Variants in PUF60 observed in about 807,000 individuals in gnomAD.
PUF60 encodes poly(U) binding splicing factor 60.
Under a neutral mutation model 61.8 loss-of-function variants are expected in PUF60, and 10 were observed. That is an observed-to-expected ratio of 0.16 (90% CI 0.10 to 0.27). The LOEUF is 0.27. PUF60 is among the 10% of genes least tolerant of loss of function. PUF60 has a pLI of 1.00. For synonymous variants in PUF60, 353 were observed against 300.9 expected (o/e 1.17, Z -1.79); for missense variants, 371 against 754.0 (o/e 0.49, Z 5.95).
chr8:143,823,096 A>G (rs1817210373), intron 2 of PUF60: 1 of 166,396 alleles, frequency 6.0e-6, no homozygotes, highest in African/African-American at 2.4e-5. Flanking sequence ...AGCCCCAACC[A>G]GTCCCTGAAG....
Position 143,817,670 on chromosome 8 carries a change from G to C in PUF60, c.930C>G (p.Leu310=). 6.2e-7 allele frequency: 1 copy of C among 1,612,688 alleles called. No homozygotes were observed. Residue 310 remains leucine, a synonymous_variant, in exon 9 of 12, where the codon CTC becomes CTG. Transcript: ENST00000526683. This position sits in a 1 kb window ranked among gnomAD's most constrained non-coding sequence, Gnocchi z 7.4. ...GGAGGCCTCCAGGCGTGGCTGGTGT[G>C]AGTAGGGGCATGGGCGGTGTGACAG... ...GKAVTPPMPL[L]TPATPGGLPP...
In PUF60 at chr8:143,817,847, G is replaced by C. The variant is rs776226845; in HGVS notation, c.817+15C>G. ...CTCAGGTGGCCCCCATCCCGCCTCA[G>C]CCACCCCAGCTCACCAATGAAGCCG... On this transcript the variant is annotated intron_variant, in intron 8 of 11. Coordinates refer to ENST00000526683, the MANE Select transcript of PUF60 (RefSeq NM_078480.3). The surrounding 1 kb of genome is among the most constrained non-coding windows in gnomAD (Gnocchi z 7.4). 4 of 1,610,212 alleles carry C rather than the reference G, an allele frequency of 2.5e-6. No individual in the cohort carries two copies. The highest frequency in any genetic ancestry group is 3.4e-6 in the Non-Finnish European group (4 of 1,178,210).
At chr8:143,823,675 C>T (rs1817280701) in intron 2 of PUF60, among the ~76,000 whole-genome samples, 1 of 152,210 alleles carries the variant, frequency 6.6e-6, no homozygotes, top group Admixed American at 6.5e-5. Flanking sequence ...CACTGGAATG[C>T]TCTGGAGGCG....
intron 1 of PUF60, among the ~76,000 whole-genome samples, chr8:143,824,631 G>A (rs377641554): frequency 2.0e-4 from 31 of 152,354 alleles, no homozygotes; most frequent in African/African-American, 7.5e-4. Context: ...GGCTGCCAGC[G>A]AGTCCCAGCG....
chr8:143,821,131 C>T (rs1816967312), intron 4 of PUF60, among the ~76,000 whole-genome samples: 1 of 152,244 alleles, frequency 6.6e-6, no homozygotes, highest in African/African-American at 2.4e-5. Context: ...GAGCAGGGCC[C>T]CAAGGGAGGT....
Position 143,817,563 on chromosome 8 carries a change from C to A in PUF60, c.1008+29G>T. The stretch of plus-strand genomic sequence containing the variant: ...GGAATCAGGGGCCAGCCCGCCCACC[C>A]TCAAGCCGACAGCTGTGTGGGCCCT... On this transcript the variant is annotated intron_variant, in intron 9 of 11. Transcript: ENST00000526683. The surrounding 1 kb of genome is among the most constrained non-coding windows in gnomAD (Gnocchi z 7.4). 6.2e-7 allele frequency: 1 copy of A among 1,609,548 alleles called. No individual in the cohort carries two copies. Among genetic ancestry groups the A allele is most frequent in the East Asian group, 2.2e-5 (1 of 44,868 alleles).
At position 143,821,624 on chromosome 8, in the gene PUF60, G is replaced by A; in HGVS notation, c.270C>T (p.His90=). 1.9e-6 allele frequency: 3 copies of A among 1,545,350 alleles called. No individual in the cohort carries two copies. The highest frequency in any genetic ancestry group is 2.6e-6 in the Non-Finnish European group (3 of 1,147,016). Reference sequence around the variant, plus strand: ...GCAGGTTGGTGAGCTGCTGCTGCTGGTGCGCGATGGTCTGCTTCACCAGCA... The same window carrying A: ...GCAGGTTGGTGAGCTGCTGCTGCTGATGCGCGATGGTCTGCTTCACCAGCA... ...KSVLVKQTIA[H]QQQQLTNLQM... Residue 90 remains histidine (H), a synonymous_variant, in exon 4 of 12, where the codon CAC becomes CAT. Coordinates refer to ENST00000526683, the MANE Select transcript of PUF60 (RefSeq NM_078480.3).
intron 4 of PUF60, 161 bp downstream of exon 4, chr8:143,821,436 C>A: frequency 1.5e-6 from 1 of 683,832 alleles, no homozygotes; most frequent in East Asian, 2.7e-5. Context: ...GCCACTCGTG[C>A]CTCAGAGAGG....
Position 143,824,342 on chromosome 8 carries a change from C to T in PUF60, c.82G>A (p.Ala28Thr). The T allele has an allele frequency of 6.2e-7, 1 of 1,612,510 alleles. No individual in the cohort carries two copies. The highest frequency in any genetic ancestry group is 8.5e-7 in the Non-Finnish European group (1 of 1,179,690). Residue 28 changes from alanine (A) to threonine (T), a missense_variant, in exon 2 of 12, where the codon GCA (alanine) becomes ACA (threonine). By Grantham distance (58) the Ala-to-Thr change is moderately conservative. Around this residue, in one of 13 missense-constraint regions of PUF60, gnomAD observed 69 missense variants for 64.7 expected, o/e 1.07. Coordinates refer to ENST00000526683, the MANE Select transcript of PUF60 (RefSeq NM_078480.3). ...SEPAAAAAVV[A>T]AGDKWKPPQG... is the part of the protein sequence containing the mutation. The stretch of plus-strand genomic sequence containing the variant: ...GGAGGTTTCCATTTGTCTCCCGCTG[C>T]CACCACTGCCGCCGCCGCCGCCGGC...
In PUF60 at chr8:143,818,342, G is replaced by C. The variant is rs369947844; in HGVS notation, c.510+31C>G. 1.9e-5 allele frequency: 30 copies of C among 1,609,640 alleles called. No homozygotes were observed. Among genetic ancestry groups the C allele is most frequent in the Admixed American group, 3.3e-5 (2 of 59,864 alleles). ...CGAGCCCAGGGGTGGGGGCGAGCCC[G>C]AAGTGGCCGGGGCGGACCAAGCCTG... On this transcript the variant is annotated intron_variant, in intron 6 of 11. Coordinates refer to ENST00000526683, the MANE Select transcript of PUF60 (RefSeq NM_078480.3). This position sits in a 1 kb window ranked among gnomAD's most constrained non-coding sequence, Gnocchi z 7.9.
rs75920242 is a variant in PUF60, at chr8:143,827,351, C to T, written c.24+1929G>A. ...TGTCAGTGAAGAGAACGGAGCCATG[C>T]GTCAAAGTGAAAAGATGCATCCAGA... On this transcript the variant is annotated intron_variant, in intron 1 of 11. Coordinates refer to ENST00000526683, the MANE Select transcript of PUF60 (RefSeq NM_078480.3). 8.0e-4 allele frequency: 367 copies of T among 456,098 alleles called. 1 individual carries two copies. The Middle Eastern group carries it at 0.013, about 16-fold the overall frequency. 28.3% of individuals were successfully genotyped at this position (456,098 alleles called of 1,614,324 possible).
intron 5 of PUF60, chr8:143,820,223 A>G (rs1416724316): frequency 1.4e-5 from 1 of 71,558 alleles, no homozygotes; most frequent in African/African-American, 5.3e-5. Flanking sequence ...CCCCCACCCC[A>G]TCCAACCATC....
At chr8:143,824,223 G>A (rs1190726404) in intron 2 of PUF60, 90 bp downstream of exon 2, 13 of 1,355,980 alleles carry the variant, frequency 9.6e-6, no homozygotes, top group Non-Finnish European at 1.3e-5. Flanking sequence ...CCCCCAGCCA[G>A]CCCTCTCTGG....
intron 5 of PUF60, chr8:143,819,050 G>C (rs1816713049): frequency 6.4e-6 from 1 of 155,262 alleles, no homozygotes; most frequent in African/African-American, 2.4e-5. Flanking sequence ...CCAGATGGGG[G>C]CTCCCTGAAG....
At position 143,818,064 on chromosome 8, in the gene PUF60, G is replaced by A; in HGVS notation, c.615C>T (p.Pro205=). Residue 205 remains proline (P), a synonymous_variant, in exon 8 of 12, where the codon CCC becomes CCT. Transcript: ENST00000526683. This position sits in a 1 kb window ranked among gnomAD's most constrained non-coding sequence, Gnocchi z 7.9. ...LGGRNIKVGR[P]SNIGQAQPII... is the part of the protein sequence containing the mutation. ...TGGGCTGGGCCTGCCCTATGTTGCT[G>A]GGTCTGCCCACCTGGGGAAGAGGCG... 1.9e-6 allele frequency: 3 copies of A among 1,612,370 alleles called. No individual in the cohort carries two copies. Among genetic ancestry groups the A allele is most frequent in the East Asian group, 2.2e-5 (1 of 44,878 alleles).
intron 1 of PUF60, chr8:143,827,329 C>A: frequency 2.2e-6 from 1 of 455,788 alleles, no homozygotes; most frequent in South Asian, 1.6e-5. Flanking sequence ...GTCTGGCTGT[C>A]AGTGAAGAGA....
At chr8:143,829,018 C>T in intron 1 of PUF60, 1 of 997,798 alleles carries the variant, frequency 1.0e-6, no homozygotes, top group Non-Finnish European at 1.2e-6. Context: ...CCAGGCTCGC[C>T]CGCAAGGGCC....
chr8:143,816,553 C>T lies in PUF60; in HGVS notation c.1647G>A (p.Gln549=). The T allele has an allele frequency of 1.2e-6, 2 of 1,612,916 alleles. No individual in the cohort carries two copies. The highest frequency in any genetic ancestry group is 8.5e-7 in the Non-Finnish European group (1 of 1,179,496). Reference sequence around the variant, plus strand: ...AGAGGTCACTGTTATCAAAACGCTCCTGGTCGTACACTTCAGCCACCACCT... The same window carrying T: ...AGAGGTCACTGTTATCAAAACGCTCTTGGTCGTACACTTCAGCCACCACCT... ...GRKVVAEVYD[Q]ERFDNSDLSA Residue 549 remains glutamine, a synonymous_variant, in exon 12 of 12, where the codon CAG becomes CAA. Transcript: ENST00000526683.
Position 143,816,441 on chromosome 8 carries a change from G to A in PUF60, c.*79C>T. ...GGCTGGGCTGGGCAGAGCGCGCCTG[G>A]CCCCGGGGACACCACTGTATCACTA... On this transcript the variant is annotated 3_prime_UTR_variant, in exon 12 of 12. Transcript: ENST00000526683. The A allele has an allele frequency of 6.7e-7, 1 of 1,490,520 alleles. No individual in the cohort carries two copies. The highest frequency in any genetic ancestry group is 9.0e-7 in the Non-Finnish European group (1 of 1,111,192). The allele number at this position is 1,490,520 out of a possible 1,614,324, so 92.3% of individuals were successfully genotyped here. A position where few individuals can be genotyped will look rare whatever the true frequency, so the allele number is the denominator to read the frequency against.
Sources: allele counts gnomAD v4.1 joint callset (sites outside exome capture counted in the v4.1 genomes callset), GRCh38; gene constraint gnomAD v4.1.1; regional missense constraint gnomAD v4.1.1; non-coding constraint Gnocchi (gnomAD v3.1); transcripts MANE v1.5; gene names NCBI Gene and HGNC (gene_info 2026-07-23, HGNC 2026-07-21).